KDM3B: variants seen among roughly 807,000 people sequenced by gnomAD.
The protein encoded by KDM3B is lysine-specific demethylase 3B.
A neutral mutation model predicts 170.0 loss-of-function variants in KDM3B; 10 were observed. The ratio of observed to expected loss-of-function variants is 0.06; its 90% CI spans 0.04 to 0.10. The LOEUF is 0.10. KDM3B is among the 10% of genes least tolerant of loss of function. KDM3B has a pLI of 1.00. For missense variants in KDM3B, 1,394 were observed against 2,195.2 expected (o/e 0.64, Z 7.29); for synonymous variants, 831 against 834.8 (o/e 1.00, Z 0.08).
chr5:138,422,051 T>C (rs548447119), intron 15 of KDM3B, among the ~76,000 whole-genome samples: 1 of 152,328 alleles, frequency 6.6e-6, no homozygotes, highest in African/African-American at 2.4e-5. Context: ...CTACCTCACT[T>C]GCTTCATCAT....
intron 1 of KDM3B, among the ~76,000 whole-genome samples, chr5:138,353,273 C>G (rs1291685982): frequency 6.6e-6 from 1 of 152,226 alleles, no homozygotes; most frequent in East Asian, 1.9e-4. Context: ...CTCGGCGTTC[C>G]CCCCAACACG....
chr5:138,405,174 G>T (rs916704457), intron 11 of KDM3B, among the ~76,000 whole-genome samples: 3 of 151,960 alleles, frequency 2.0e-5, no homozygotes, highest in African/African-American at 7.3e-5. Flanking sequence ...CTCCCAAGTA[G>T]CTGGGATTAC....
At chr5:138,363,608 G>A (rs993107823) in intron 1 of KDM3B, among the ~76,000 whole-genome samples, 3 of 152,302 alleles carry the variant, frequency 2.0e-5, no homozygotes, top group Middle Eastern at 3.4e-3. Context: ...GTGCAGTGGT[G>A]TGATCTCGGC....
intron 23 of KDM3B, among the ~76,000 whole-genome samples, chr5:138,431,912 CAAA>C (rs551330545): frequency 8.6e-6 from 1 of 115,962 alleles, no homozygotes; most frequent in African/African-American, 3.2e-5. Context: ...ACTCCCATCT[CAAA>C]AAAAAAAAAA....
chr5:138,413,279 A>C (rs1763020649), intron 11 of KDM3B, among the ~76,000 whole-genome samples: 2 of 151,822 alleles, frequency 1.3e-5, no homozygotes. Context: ...GCTACTCGGG[A>C]GGCGGAGGCA....
intron 1 of KDM3B, among the ~76,000 whole-genome samples, chr5:138,368,664 G>A (rs1444108458): frequency 6.6e-6 from 1 of 152,094 alleles, no homozygotes; most frequent in Non-Finnish European, 1.5e-5. Context: ...TATATCCATA[G>A]TCCATATTTA....
chr5:138,431,129 G>A (rs1254384214), intron 22 of KDM3B, among the ~76,000 whole-genome samples: 1 of 149,762 alleles, frequency 6.7e-6, no homozygotes, highest in African/African-American at 2.5e-5. Flanking sequence ...TGTTTTTTTG[G>A]TAGAGACGGG....
At chr5:138,358,461 C>G (rs978473092) in intron 1 of KDM3B, among the ~76,000 whole-genome samples, 4 of 151,650 alleles carry the variant, frequency 2.6e-5, no homozygotes, top group African/African-American at 9.7e-5. Context: ...CACCACCACA[C>G]CCAGCTAATT....
chr5:138,434,352 A>G (rs1376629444), intron 23 of KDM3B, among the ~76,000 whole-genome samples: 1 of 152,132 alleles, frequency 6.6e-6, no homozygotes, highest in Non-Finnish European at 1.5e-5. Flanking sequence ...GTTCGAGACC[A>G]GCCTGGCCAA....
chr5:138,353,091 T>G, intron 1 of KDM3B, 104 bp downstream of exon 1: 9 of 930,284 alleles, frequency 9.7e-6, no homozygotes, highest in East Asian at 3.8e-5. Context: ...GGTGACCCAT[T>G]TCCGTGCCCC....
chr5:138,410,466 G>A (rs116721257), intron 11 of KDM3B, among the ~76,000 whole-genome samples: 3,726 of 152,114 alleles, frequency 0.024, 71 homozygotes, highest in Non-Finnish European at 0.035. Context: ...AATGGTACTG[G>A]AACAATTGTA....
intron 6 of KDM3B, among the ~76,000 whole-genome samples, chr5:138,383,528 AT>A (rs1186179224): frequency 1.3e-5 from 2 of 152,198 alleles, no homozygotes; most frequent in African/African-American, 4.8e-5. Context: ...GAGTCCAATT[AT>A]TTTTTATAGT....
At chr5:138,418,129 GA>G (rs1354195251) in intron 13 of KDM3B, 3 of 145,500 alleles carry the variant, frequency 2.1e-5, no homozygotes, top group African/African-American at 7.6e-5. Flanking sequence ...GCCCATACTG[GA>G]GTGCAGTGGC....
At chr5:138,402,479 G>T (rs193178173) in intron 11 of KDM3B, among the ~76,000 whole-genome samples, 235 of 152,208 alleles carry the variant, frequency 1.5e-3, no homozygotes, top group Non-Finnish European at 2.7e-3. Context: ...CAGTTTTCTT[G>T]TCTGTAAAAC....
At chr5:138,374,134 C>A (rs1167546419) in intron 2 of KDM3B, among the ~76,000 whole-genome samples, 1 of 152,110 alleles carries the variant, frequency 6.6e-6, no homozygotes, top group East Asian at 1.9e-4. Flanking sequence ...GCTGGGATTA[C>A]AGGCATGCGC....
chr5:138,411,503 G>T (rs1762968610), intron 11 of KDM3B, among the ~76,000 whole-genome samples: 1 of 151,974 alleles, frequency 6.6e-6, no homozygotes, highest in African/African-American at 2.4e-5. Context: ...TGGGTGGCTT[G>T]CCGCCCACAA....
intron 10 of KDM3B, among the ~76,000 whole-genome samples, chr5:138,399,512 T>C (rs1052336908): frequency 1.3e-5 from 2 of 151,916 alleles, no homozygotes; most frequent in Non-Finnish European, 2.9e-5. Flanking sequence ...CACTCCAGCC[T>C]GGATGACAAA....
intron 6 of KDM3B, among the ~76,000 whole-genome samples, chr5:138,384,735 T>A (rs373617939): frequency 7.7e-6 from 1 of 129,378 alleles, no homozygotes; most frequent in Non-Finnish European, 1.6e-5. Context: ...GCGAAACTCT[T>A]GTCTCAAAAA....
intron 11 of KDM3B, among the ~76,000 whole-genome samples, chr5:138,401,932 T>G (rs1762704399): frequency 6.6e-6 from 1 of 152,092 alleles, no homozygotes; most frequent in Non-Finnish European, 1.5e-5. Context: ...TTCTTTTTTT[T>G]TTGTTGTTGT....
Sources: gnomAD v4.1 joint callset for allele counts (sites outside exome capture counted in the v4.1 genomes callset) on GRCh38, gnomAD v4.1.1 for gene constraint, MANE v1.5 for transcripts, NCBI Gene and HGNC (gene_info 2026-07-23, HGNC 2026-07-21) for gene names.